The following ZNF273 variants were observed in gnomAD, a reference collection of about 807,000 sequenced individuals.
ZNF273 encodes the protein zinc finger protein 9.
ZNF273 carries 11 observed loss-of-function variants against 14.9 expected under a neutral mutation model. The ratio of observed to expected loss-of-function variants is 0.74; its 90% CI spans 0.46 to 1.22. The LOEUF (loss-of-function observed/expected upper bound fraction) is 1.22, where lower values mean the gene tolerates loss of function less well. ZNF273 is among the 50% of genes most tolerant of loss of function. The probability of loss-of-function intolerance (pLI) is 0.00; values close to 1 mark genes in which losing one functional copy is unlikely to be tolerated. For synonymous variants in ZNF273, 199 were observed against 223.9 expected (o/e 0.89, Z 0.99); for missense variants, 577 against 660.6 (o/e 0.87, Z 1.39).
chr7:64,913,213 C>T (rs1007181301), intron 1 of ZNF273, among the ~76,000 whole-genome samples: 8 of 152,076 alleles, frequency 5.3e-5, no homozygotes, highest in African/African-American at 1.9e-4. Flanking sequence ...AATAAAAATT[C>T]CTTTAAACTA....
chr7:64,892,810 A>C (rs1329084688), downstream of ZNF273, among the ~76,000 whole-genome samples: 1 of 152,178 alleles, frequency 6.6e-6, no homozygotes, highest in African/African-American at 2.4e-5. Context: ...GAGGTATGTC[A>C]TTTGCATGGA....
intron 1 of ZNF273, among the ~76,000 whole-genome samples, chr7:64,906,316 A>C (rs182624867): frequency 6.6e-6 from 1 of 152,316 alleles, no homozygotes; most frequent in Admixed American, 6.5e-5. Flanking sequence ...ACCTCCCAGA[A>C]GCGTTCCCAT....
downstream of ZNF273, among the ~76,000 whole-genome samples, chr7:64,891,604 T>G (rs2129043972): frequency 6.6e-6 from 1 of 152,330 alleles, no homozygotes; most frequent in African/African-American, 2.4e-5. Context: ...TGGTGCCAGC[T>G]GGATGACTCA....
intron 3 of ZNF273, among the ~76,000 whole-genome samples, 174 bp downstream of exon 3, chr7:64,918,466 T>C (rs1794172246): frequency 6.6e-6 from 1 of 151,878 alleles, no homozygotes; most frequent in Non-Finnish European, 1.5e-5. Context: ...ATCCAGAGCA[T>C]CCTGACCAAC....
Position 64,885,568 on chromosome 7 carries a change from C to T in ZNF273, n.273+2783C>T, listed in dbSNP as rs184345576. ...GTGTGTGTTCATCCCAGGGTCACTT[C>T]GCACCTACACCTCCAGACCTCTAGG... is the stretch of plus-strand genomic sequence containing the variant. On this transcript the variant is annotated intron_variant and non_coding_transcript_variant, in intron 1 of 1. Transcript: ENST00000471926. Among the ~76,000 whole-genome samples the T allele has an allele frequency of 2.4e-4, 36 of 152,322 alleles. No individual in the cohort carries two copies. The East Asian group carries it at 6.6e-3, about 28-fold the overall frequency.
chr7:64,928,981 T>C lies in ZNF273; in HGVS notation c.1653T>C (p.Phe551=), dbSNP rs1794906262. 6.3e-7 allele frequency: 1 copy of C among 1,590,472 alleles called. No individual in the cohort carries two copies. The highest frequency in any genetic ancestry group is 8.5e-7 in the Non-Finnish European group (1 of 1,170,418). The part of the protein sequence containing the change: ...PYKPKRCDSA[F]DNTPNFSRHK... ...AACCTAAAAGATGTGACAGTGCTTTTGACAACACCCCAAACTTTTCTAGAC... is the reference window on the plus strand; with the variant it reads ...AACCTAAAAGATGTGACAGTGCTTTCGACAACACCCCAAACTTTTCTAGAC... Residue 551 remains phenylalanine, a synonymous_variant, in exon 4 of 4, where the codon TTT becomes TTC. Coordinates refer to ENST00000476120, the MANE Select transcript of ZNF273 (RefSeq NM_021148.3).
chr7:64,920,397 GA>G (rs1406948618), intron 3 of ZNF273, among the ~76,000 whole-genome samples: 5 of 152,178 alleles, frequency 3.3e-5, no homozygotes, highest in African/African-American at 1.2e-4. Flanking sequence ...TATGTAGGCA[GA>G]ACCGGCCATG....
chr7:64,884,184 T>C (rs1791444252), downstream of ZNF273, among the ~76,000 whole-genome samples: 1 of 152,194 alleles, frequency 6.6e-6, no homozygotes, highest in Non-Finnish European at 1.5e-5. Flanking sequence ...CCAGGGATTT[T>C]AGGGATCTCA....
At chr7:64,905,906 G>GT (rs1270298526) in intron 1 of ZNF273, among the ~76,000 whole-genome samples, 1 of 152,054 alleles carries the variant, frequency 6.6e-6, no homozygotes, top group African/African-American at 2.4e-5. Context: ...AAACTTGAAA[G>GT]GTAAAAAATT....
chr7:64,922,118 CT>C (rs199922439), intron 3 of ZNF273, among the ~76,000 whole-genome samples: 24,090 of 138,128 alleles, frequency 0.17, 2,785 homozygotes, highest in African/African-American at 0.34. Flanking sequence ...ATTCTATTTC[CT>C]TTTTTTTTTT....
chr7:64,880,944 G>A (rs1022238074), downstream of ZNF273, among the ~76,000 whole-genome samples: 1 of 152,180 alleles, frequency 6.6e-6, no homozygotes, highest in African/African-American at 2.4e-5. Flanking sequence ...ATTTCATTCC[G>A]GGGACGGAGA....
At chr7:64,898,212 A>G (rs930962410) in intron 4 of ZNF273, among the ~76,000 whole-genome samples, 2 of 152,218 alleles carry the variant, frequency 1.3e-5, no homozygotes, top group African/African-American at 4.8e-5. Context: ...TTTTTATTAA[A>G]AATAGTATTT....
chr7:64,900,401 C>T (rs972709524), upstream of ZNF273, among the ~76,000 whole-genome samples: 2 of 152,186 alleles, frequency 1.3e-5, no homozygotes, highest in African/African-American at 4.8e-5. Context: ...GCAAGTGGTA[C>T]AGGAGATAGA....
intron 1 of ZNF273, among the ~76,000 whole-genome samples, chr7:64,887,753 C>T (rs1326570414): frequency 6.6e-6 from 1 of 151,900 alleles, no homozygotes; most frequent in Non-Finnish European, 1.5e-5. Context: ...CCGCCTCGAC[C>T]TCCCAGAGTG....
intron 1 of ZNF273, among the ~76,000 whole-genome samples, 185 bp from the exon 2 acceptor site, chr7:64,917,394 CTT>C (rs1173415713): frequency 1.3e-5 from 2 of 152,172 alleles, no homozygotes; most frequent in Non-Finnish European, 2.9e-5. Flanking sequence ...TTATGCTACT[CTT>C]TTCTCAGAGT....
intron 1 of ZNF273, among the ~76,000 whole-genome samples, chr7:64,905,446 A>G (rs1287602859): frequency 2.0e-5 from 3 of 146,538 alleles, no homozygotes. Context: ...TTTTTTTGAA[A>G]AGCTAACCCG....
intron 3 of ZNF273, among the ~76,000 whole-genome samples, chr7:64,895,209 T>G (rs1792295913): frequency 6.6e-6 from 1 of 152,230 alleles, no homozygotes; most frequent in Non-Finnish European, 1.5e-5. Context: ...TCAAATACAC[T>G]GAAGTCTTGT....
chr7:64,903,722 T>C (rs894346429), intron 1 of ZNF273, among the ~76,000 whole-genome samples: 2 of 152,094 alleles, frequency 1.3e-5, no homozygotes, highest in Non-Finnish European at 2.9e-5. Context: ...GGATGCAGGG[T>C]TCATGACTAG....
At chr7:64,897,833 T>TCTCCCGTCTCAGC (rs1792455273) in exon 4 of ZNF273, 8 of 150,898 alleles carry the variant, frequency 5.3e-5, no homozygotes, top group Admixed American at 4.0e-4. Context: ...CCCGTCTCAG[T>TCTCCCGTCTCAGC]CTCCCGTCTC....
Sources: allele counts gnomAD v4.1 joint callset (sites outside exome capture counted in the v4.1 genomes callset), GRCh38; gene constraint gnomAD v4.1.1; transcripts MANE v1.5; gene names NCBI Gene and HGNC (gene_info 2026-07-23, HGNC 2026-07-21).